HIGD2B: variants seen among roughly 807,000 people sequenced by gnomAD.
HIGD2B encodes HIG1 hypoxia inducible domain family member 2B, also known as HIG1 domain family member 2B.
For missense variants in HIGD2B, 106 were observed against 67.0 expected, an observed-to-expected ratio of 1.58 and a Z score of -2.03; for synonymous variants, 45 against 28.1, an observed-to-expected ratio of 1.60 and a Z score of -1.90.
chr15:72,676,997 T>C (rs1192962861), intron 2 of HIGD2B, among the ~76,000 whole-genome samples: 1 of 152,244 alleles, frequency 6.6e-6, no homozygotes, highest in African/African-American at 2.4e-5. Flanking sequence ...TGGTGGACTG[T>C]ATCAATGTTA....
chr15:72,679,225 C>A (rs1053741121), intron 2 of HIGD2B, among the ~76,000 whole-genome samples: 2 of 151,776 alleles, frequency 1.3e-5, no homozygotes, highest in East Asian at 3.9e-4. Context: ...ATTAGCCGGG[C>A]ATGGTGGCAC....
At chr15:72,680,708 A>G (rs8038907) in intron 1 of HIGD2B, among the ~76,000 whole-genome samples, 146,514 of 152,222 alleles carry the variant, frequency 0.96, 70,778 homozygotes, top group East Asian at 1. Flanking sequence ...CAAACATGGC[A>G]AAAACCTGTC....
chr15:72,680,715 T>C (rs1430963499), intron 1 of HIGD2B, among the ~76,000 whole-genome samples: 1 of 152,104 alleles, frequency 6.6e-6, no homozygotes, highest in Non-Finnish European at 1.5e-5. Flanking sequence ...GGCAAAAACC[T>C]GTCTCTACTA....
At chr15:72,677,260 T>A (rs1018077124) in intron 2 of HIGD2B, among the ~76,000 whole-genome samples, 4 of 151,666 alleles carry the variant, frequency 2.6e-5, no homozygotes, top group Non-Finnish European at 5.9e-5. Flanking sequence ...TGAAAGCCCA[T>A]CTCTACTAAA....
chr15:72,681,416 C>T (rs1389113673), intron 1 of HIGD2B, among the ~76,000 whole-genome samples: 4 of 152,200 alleles, frequency 2.6e-5, no homozygotes, highest in East Asian at 1.9e-4. Flanking sequence ...ACAAGACAAC[C>T]GCACAGCTAA....
In HIGD2B at chr15:72,678,304, C is replaced by CT. The variant is rs920915979; in HGVS notation, c.-14+1710dup. Reference sequence around the variant, plus strand: ...AGAACAGCTTCCCTAATTTTCTTTTCTTTTTTTTTTAGACAGGTTCTCACT... The same window carrying CT: ...AGAACAGCTTCCCTAATTTTCTTTTCTTTTTTTTTTTAGACAGGTTCTCACT... On this transcript the variant is annotated intron_variant, in intron 2 of 2. Transcript: ENST00000311755. Among the ~76,000 whole-genome samples, 267 of 148,484 alleles carry CT rather than the reference C, an allele frequency of 1.8e-3. 2 individuals are homozygous for CT. Among genetic ancestry groups the CT allele is most frequent in the Middle Eastern group, 3.5e-3 (1 of 288 alleles).
chr15:72,676,435 T>A (rs1386214757), intron 2 of HIGD2B, 48 bp from the exon 3 acceptor site: 1 of 638,998 alleles, frequency 1.6e-6, no homozygotes, highest in East Asian at 2.7e-5. Flanking sequence ...GAAGGAGTCT[T>A]GCTCTGTAGC....
In HIGD2B at chr15:72,675,998, C is replaced by T; in HGVS notation, c.*56G>A. Reference sequence around the variant, plus strand: ...GAGAGAGTAAGTCCCATGGTAGGGCCAGTGGTTGCTCCTGGGTTTTGGAAT... The same window carrying T: ...GAGAGAGTAAGTCCCATGGTAGGGCTAGTGGTTGCTCCTGGGTTTTGGAAT... On this transcript the variant is annotated 3_prime_UTR_variant, in exon 3 of 3. Coordinates refer to ENST00000311755, the MANE Select transcript of HIGD2B (RefSeq NM_001350932.3). 1.5e-6 allele frequency: 1 copy of T among 673,640 alleles called. No homozygotes were observed. Among genetic ancestry groups the T allele is most frequent in the Non-Finnish European group, 2.7e-6 (1 of 368,550 alleles). The allele number at this position is 673,640 out of a possible 1,614,324, so 41.7% of individuals were successfully genotyped here. A position where few individuals can be genotyped will look rare whatever the true frequency, so the allele number is the denominator to read the frequency against.
At chr15:72,680,825 T>C (rs1477337455) in intron 1 of HIGD2B, among the ~76,000 whole-genome samples, 1 of 151,970 alleles carries the variant, frequency 6.6e-6, no homozygotes, top group Non-Finnish European at 1.5e-5. Context: ...ACTCAGGTGG[T>C]GGAGGTTGCA....
chr15:72,679,714 T>C (rs1488019798), intron 2 of HIGD2B, among the ~76,000 whole-genome samples: 1 of 152,100 alleles, frequency 6.6e-6, no homozygotes, highest in African/African-American at 2.4e-5. Flanking sequence ...GTAGCCTATT[T>C]TGAGCCTACC....
At position 72,676,178 on chromosome 15, in the gene HIGD2B, C is replaced by T; in HGVS notation, c.197G>A (p.Cys66Tyr). 1.3e-6 allele frequency: 1 copy of T among 763,058 alleles called. No homozygotes were observed. 47.3% of individuals were successfully genotyped at this position (763,058 alleles called of 1,614,324 possible). The stretch of plus-strand genomic sequence containing the variant: ...ACATTGGCTGTTGCCCTGGTGGAAG[C>T]AGTAGAGGCCGTTGGTGAGGACGGC... ...TAAVLTNGLY[C>Y]FHQGNSQCSR... The change falls in exon 3 of 3, where the codon TGC becomes TAC. Residue 66 changes from cysteine (C) to tyrosine (Y), a missense_variant. Cys to Tyr is a radical substitution (Grantham distance 194). Coordinates refer to ENST00000311755, the MANE Select transcript of HIGD2B (RefSeq NM_001350932.3).
At chr15:72,680,898 T>C (rs1468634991) in intron 1 of HIGD2B, among the ~76,000 whole-genome samples, 1 of 150,692 alleles carries the variant, frequency 6.6e-6, no homozygotes, top group South Asian at 2.1e-4. Context: ...AAAACAAAAG[T>C]GCTGTATTGA....
chr15:72,685,620 C>T (rs532976264), intron 1 of HIGD2B, among the ~76,000 whole-genome samples, 198 bp downstream of exon 1: 16 of 152,358 alleles, frequency 1.1e-4, no homozygotes, highest in South Asian at 2.1e-4. Flanking sequence ...GCAGAAAACG[C>T]CGACTGTCGT....
chr15:72,678,258 A>C (rs1037822765), intron 2 of HIGD2B, among the ~76,000 whole-genome samples: 2 of 152,136 alleles, frequency 1.3e-5, no homozygotes, highest in South Asian at 2.1e-4. Flanking sequence ...GTAAAGTTGG[A>C]ATATAAGCCT....
At chr15:72,679,967 C>G in intron 2 of HIGD2B, 48 bp downstream of exon 2, 1 of 253,906 alleles carries the variant, frequency 3.9e-6, no homozygotes, top group Non-Finnish European at 7.6e-6. Context: ...CAGAGCCCGC[C>G]AGAAGCATCC....
intron 1 of HIGD2B, among the ~76,000 whole-genome samples, chr15:72,684,124 C>G (rs947672031): frequency 6.6e-6 from 1 of 151,902 alleles, no homozygotes; most frequent in African/African-American, 2.4e-5. Flanking sequence ...AAGAATTGGA[C>G]AAAATGCACA....
At chr15:72,683,350 T>A (rs1413557407) in intron 1 of HIGD2B, among the ~76,000 whole-genome samples, 1 of 151,948 alleles carries the variant, frequency 6.6e-6, no homozygotes, top group East Asian at 1.9e-4. Context: ...ATCAGTCTTT[T>A]GAAAGTGGCA....
rs1472178647 is a variant in HIGD2B at position 72,676,396 on chromosome 15, G to GA, written c.-13-10dup. The GA allele has an allele frequency of 7.3e-6, 5 of 686,054 alleles. No individual in the cohort carries two copies. Among genetic ancestry groups the GA allele is most frequent in the Middle Eastern group, 2.4e-4 (1 of 4,122 alleles). 42.5% of individuals were successfully genotyped at this position (686,054 alleles called of 1,614,324 possible). A position where few individuals can be genotyped will look rare whatever the true frequency, so the allele number is the denominator to read the frequency against. ...CCATGCCTAGGCCACAGCTGCAGGAGAAAATCCTTTGTTTTTTTTTTTTTT... is the reference window on the plus strand; with the variant it reads ...CCATGCCTAGGCCACAGCTGCAGGAGAAAAATCCTTTGTTTTTTTTTTTTTT... On this transcript the variant is annotated splice_polypyrimidine_tract_variant and intron_variant, in intron 2 of 2. Coordinates refer to ENST00000311755, the MANE Select transcript of HIGD2B (RefSeq NM_001350932.3).
At chr15:72,679,850 A>G (rs1313770878) in intron 2 of HIGD2B, among the ~76,000 whole-genome samples, 165 bp downstream of exon 2, 1 of 152,184 alleles carries the variant, frequency 6.6e-6, no homozygotes, top group Admixed American at 6.5e-5. Flanking sequence ...CCAAAGCAGA[A>G]AGTACCTCTT....
Sources: allele counts gnomAD v4.1 joint callset (sites outside exome capture counted in the v4.1 genomes callset), GRCh38; gene constraint gnomAD v4.1.1; transcripts MANE v1.5; gene names NCBI Gene and HGNC (gene_info 2026-07-23, HGNC 2026-07-21).